NF1: variants seen among roughly 807,000 people sequenced by gnomAD.
NF1 encodes the protein neurofibromin.
NF1 carries 122 observed loss-of-function variants against 325.7 expected under a neutral mutation model. That is an observed-to-expected ratio of 0.37 (90% CI 0.32 to 0.44). The LOEUF is 0.44. Ranked by LOEUF, NF1 falls within the 20% of genes least tolerant of loss-of-function variation. The pLI, the probability that NF1 is intolerant of heterozygous loss-of-function variation, is 1.00. For missense variants in NF1, 2,140 were observed against 3,415.4 expected (o/e 0.63, Z 9.31); for synonymous variants, 1,091 against 1,186.0 (o/e 0.92, Z 1.65).
chr17:31,237,187 T>C (rs1338004627), intron 29 of NF1, among the ~76,000 whole-genome samples: 1 of 152,218 alleles, frequency 6.6e-6, no homozygotes. Context: ...TTTGCTGAAG[T>C]ATCAACTGTA....
intron 57 of NF1, chr17:31,362,162 C>A (rs2070415738): frequency 3.8e-6 from 1 of 261,268 alleles, no homozygotes; most frequent in African/African-American, 2.3e-5. Flanking sequence ...AATAAATACC[C>A]CAGGCGATTC....
chr17:31,282,121 G>A (rs1230366309), intron 36 of NF1, among the ~76,000 whole-genome samples: 12 of 151,708 alleles, frequency 7.9e-5, no homozygotes, highest in Non-Finnish European at 1.2e-4. Context: ...GGTGGTTCAC[G>A]CCTGTAATCC....
intron 29 of NF1, among the ~76,000 whole-genome samples, chr17:31,245,648 G>A (rs570848985): frequency 6.6e-6 from 1 of 152,290 alleles, no homozygotes; most frequent in East Asian, 1.9e-4. Context: ...ACAGCCAGAT[G>A]GAAAAGATGC....
At chr17:31,171,923 C>T (rs1371216719) in intron 5 of NF1, among the ~76,000 whole-genome samples, 15 of 152,020 alleles carry the variant, frequency 9.9e-5, no homozygotes, top group Non-Finnish European at 2.2e-4. Flanking sequence ...ATGTCATTAT[C>T]AAGTTATTTG....
At chr17:31,284,151 G>C (rs2068178576) in intron 36 of NF1, among the ~76,000 whole-genome samples, 1 of 152,134 alleles carries the variant, frequency 6.6e-6, no homozygotes, top group Non-Finnish European at 1.5e-5. Flanking sequence ...GCCTAGGCTG[G>C]AATGCAGTGG....
chr17:31,319,201 GA>G (rs1374660803), intron 36 of NF1, among the ~76,000 whole-genome samples: 1 of 152,124 alleles, frequency 6.6e-6, no homozygotes, highest in East Asian at 1.9e-4. Context: ...TATGTATGAA[GA>G]AGCATTTTAA....
chr17:31,210,929 T>A (rs937068229), intron 12 of NF1, among the ~76,000 whole-genome samples: 6 of 152,216 alleles, frequency 3.9e-5, no homozygotes, highest in African/African-American at 1.4e-4. Context: ...TTAGCACTGA[T>A]TTTACTATTT....
At chr17:31,250,517 A>G (rs1274280048) in intron 30 of NF1, 2 of 203,952 alleles carry the variant, frequency 9.8e-6, no homozygotes, top group African/African-American at 2.3e-5. Context: ...GGGACTGACT[A>G]CATGATTACA....
intron 18 of NF1, 67 bp downstream of exon 18, chr17:31,226,751 T>C (rs2067022898): frequency 1.9e-6 from 3 of 1,600,294 alleles, no homozygotes; most frequent in Non-Finnish European, 2.6e-6. Flanking sequence ...ATTTTGAGAA[T>C]GTATTTAAGG....
intron 1 of NF1, among the ~76,000 whole-genome samples, chr17:31,153,363 C>G (rs1218444475): frequency 1.3e-5 from 2 of 152,254 alleles, no homozygotes; most frequent in African/African-American, 4.8e-5. Context: ...AGAGCACTAT[C>G]ATTACCACAG....
chr17:31,252,376 T>C (rs1388916579), intron 30 of NF1: 4 of 199,052 alleles, frequency 2.0e-5, no homozygotes, highest in African/African-American at 9.2e-5. Context: ...AAGAGTAATC[T>C]TTTTTAGAGA....
At chr17:31,117,242 G>C (rs562204464) in intron 1 of NF1, among the ~76,000 whole-genome samples, 1 of 151,884 alleles carries the variant, frequency 6.6e-6, no homozygotes, top group Non-Finnish European at 1.5e-5. Flanking sequence ...CAGCCTCCCA[G>C]AGTGCTGGGA....
intron 5 of NF1, among the ~76,000 whole-genome samples, chr17:31,171,756 T>A (rs1440834464): frequency 2.0e-5 from 3 of 152,080 alleles, no homozygotes; most frequent in Non-Finnish European, 4.4e-5. Flanking sequence ...CTTTCAGTAA[T>A]GAGTAGTAAA....
Position 31,336,379 on chromosome 17 carries a change from G to T in NF1, c.6053G>T (p.Ser2018Ile). The T allele has an allele frequency of 6.2e-7, 1 of 1,614,046 alleles. No individual in the cohort carries two copies. The highest frequency in any genetic ancestry group is 8.5e-7 in the Non-Finnish European group (1 of 1,179,986). Residue 2018 changes from serine (S) to isoleucine (I), a missense_variant, in exon 41 of 58, where the codon AGT (serine) becomes ATT (isoleucine). Transcript: ENST00000358273. This position sits in a 1 kb window ranked among gnomAD's most constrained non-coding sequence, Gnocchi z 5.5. ...GTACTAGACAGTTTCATCAAAACCAGTGCAACAGGTGGCTTGGGATCAATA... is the reference window on the plus strand; with the variant it reads ...GTACTAGACAGTTTCATCAAAACCATTGCAACAGGTGGCTTGGGATCAATA... Reference protein sequence around the residue: ...DVVLDSFIKTSATGGLGSIKA... With the variant: ...DVVLDSFIKTIATGGLGSIKA...
chr17:31,140,093 G>A (rs946990934), intron 1 of NF1, among the ~76,000 whole-genome samples: 1 of 152,150 alleles, frequency 6.6e-6, no homozygotes, highest in African/African-American at 2.4e-5. Flanking sequence ...GGGATAAAAC[G>A]ATTACAAGAA....
chr17:31,099,908 T>C (rs1200798586), intron 1 of NF1, among the ~76,000 whole-genome samples: 2 of 151,782 alleles, frequency 1.3e-5, no homozygotes, highest in Non-Finnish European at 2.9e-5. Flanking sequence ...CTAAGCAAAT[T>C]AGAACCTTCT....
At chr17:31,363,268 T>C (rs1323625204) in intron 57 of NF1, among the ~76,000 whole-genome samples, 1 of 152,062 alleles carries the variant, frequency 6.6e-6, no homozygotes, top group Non-Finnish European at 1.5e-5. Flanking sequence ...ATCTCTAAAT[T>C]ACAGGCTCAT....
At chr17:31,152,003 G>A (rs1916975718) in intron 1 of NF1, among the ~76,000 whole-genome samples, 1 of 152,044 alleles carries the variant, frequency 6.6e-6, no homozygotes, top group Non-Finnish European at 1.5e-5. Flanking sequence ...ATTTACATTA[G>A]GTATATCTCC....
At chr17:31,241,066 C>T (rs1304080069) in intron 29 of NF1, among the ~76,000 whole-genome samples, 3 of 152,054 alleles carry the variant, frequency 2.0e-5, no homozygotes, top group African/African-American at 7.2e-5. Context: ...TTAGTAGAGA[C>T]AGGGTTTCAC....
Sources: allele counts gnomAD v4.1 joint callset (sites outside exome capture counted in the v4.1 genomes callset), GRCh38; gene constraint gnomAD v4.1.1; non-coding constraint Gnocchi (gnomAD v3.1); transcripts MANE v1.5; gene names NCBI Gene and HGNC (gene_info 2026-07-23, HGNC 2026-07-21).